Variants in BCAS3 observed in about 807,000 individuals in gnomAD.
The protein encoded by BCAS3 is BCAS4/BCAS3 fusion.
A neutral mutation model predicts 116.1 loss-of-function variants in BCAS3; 53 were observed. That is an observed-to-expected ratio of 0.46 (90% CI 0.37 to 0.57). The LOEUF (loss-of-function observed/expected upper bound fraction) is 0.57. BCAS3 is among the 20% of genes least tolerant of loss of function. The pLI, the probability that BCAS3 is intolerant of heterozygous loss-of-function variation, is 0.00. For missense variants in BCAS3, 917 were observed against 1,165.4 expected, an observed-to-expected ratio of 0.79 and a Z score of 3.10; for synonymous variants, 391 against 408.2, an observed-to-expected ratio of 0.96 and a Z score of 0.51.
In BCAS3 at chr17:61,224,916, C is replaced by G. The variant is rs1363995493; in HGVS notation, c.2425+140352C>G. ...CTGCACAGATCTAGAACATTTGGAA[C>G]CCATTCTTCTGTTCTCCTGTCTTTG... On this transcript the variant is annotated intron_variant, in intron 22 of 23. Transcript: ENST00000407086. The surrounding 1 kb of genome is among the most constrained non-coding windows in gnomAD (Gnocchi z 5.7). Among the ~76,000 whole-genome samples the G allele has an allele frequency of 2.6e-5, 4 of 152,146 alleles. No individual in the cohort carries two copies. The highest frequency in any genetic ancestry group is 9.7e-5 in the African/African-American group (4 of 41,434).
At chr17:60,687,908 C>T (rs1186506713) in intron 3 of BCAS3, 1 of 152,142 alleles carries the variant, frequency 6.6e-6, no homozygotes, top group Non-Finnish European at 1.5e-5. Context: ...AGCATATAAG[C>T]CTCATTTTGT....
At chr17:60,682,974 G>C (rs537703159) in intron 2 of BCAS3, among the ~76,000 whole-genome samples, 1 of 151,882 alleles carries the variant, frequency 6.6e-6, no homozygotes, top group East Asian at 1.9e-4. Context: ...ATGGGGTCTT[G>C]CTATGTTGCC....
At chr17:61,247,772 G>A (rs757684636) in intron 22 of BCAS3, among the ~76,000 whole-genome samples, 1 of 152,124 alleles carries the variant, frequency 6.6e-6, no homozygotes, top group African/African-American at 2.4e-5. Context: ...GCCCTTTTGT[G>A]CAATCAGCTT....
chr17:60,696,042 G>T (rs2035549096), intron 4 of BCAS3, among the ~76,000 whole-genome samples: 1 of 152,180 alleles, frequency 6.6e-6, no homozygotes, highest in South Asian at 2.1e-4. Context: ...GACAGTTGGT[G>T]CAGTGGTTAC....
At chr17:61,330,422 C>T (rs2056174081) in intron 22 of BCAS3, among the ~76,000 whole-genome samples, 1 of 152,188 alleles carries the variant, frequency 6.6e-6, no homozygotes, top group Non-Finnish European at 1.5e-5. Flanking sequence ...CCATGCCCAG[C>T]CAGTAGTTTC....
chr17:61,013,570 T>C lies in BCAS3; in HGVS notation c.1487-2181T>C, dbSNP rs1248776417. ...TCTTCATATTTTCTACAAGGTTCTG[T>C]GTTGTGGCCTAAATCATCTTGTGTG... is the stretch of plus-strand genomic sequence containing the variant. On this transcript the variant is annotated intron_variant, in intron 15 of 23. Coordinates refer to ENST00000407086, the MANE Select transcript of BCAS3 (RefSeq NM_017679.5). The surrounding 1 kb of genome is among the most constrained non-coding windows in gnomAD (Gnocchi z 4.4). Among the ~76,000 whole-genome samples the C allele has an allele frequency of 6.6e-6, 1 of 152,114 alleles. No homozygotes were observed. Among genetic ancestry groups the C allele is most frequent in the East Asian group, 1.9e-4 (1 of 5,200 alleles).
At chr17:60,762,413 C>T (rs1289969898) in intron 6 of BCAS3, among the ~76,000 whole-genome samples, 1 of 152,190 alleles carries the variant, frequency 6.6e-6, no homozygotes, top group Non-Finnish European at 1.5e-5. Context: ...CAGCTTTCTA[C>T]ATATGGCTAG....
Position 61,265,975 on chromosome 17 carries a change from C to T in BCAS3, c.2426-102352C>T, listed in dbSNP as rs2049664926. Among the ~76,000 whole-genome samples, 1 of 152,114 alleles carries T rather than the reference C, an allele frequency of 6.6e-6. No homozygotes were observed. The highest frequency in any genetic ancestry group is 1.5e-5 in the Non-Finnish European group (1 of 68,002). On this transcript the variant is annotated intron_variant, in intron 22 of 23. Coordinates refer to ENST00000407086, the MANE Select transcript of BCAS3 (RefSeq NM_017679.5). The surrounding 1 kb of genome is among the most constrained non-coding windows in gnomAD (Gnocchi z 4.3). ...TCATAGATACTAAAATATTTCCTTT[C>T]TTCATTTCTAATGAGACTTCCTGTT... is the stretch of plus-strand genomic sequence containing the variant.
chr17:61,085,834 G>C (rs2073049912), intron 22 of BCAS3, among the ~76,000 whole-genome samples: 2 of 152,132 alleles, frequency 1.3e-5, no homozygotes, highest in Non-Finnish European at 2.9e-5. Flanking sequence ...AGAGATTGTT[G>C]TGCTCGTTTG....
At chr17:60,752,557 G>A (rs112934619) in intron 6 of BCAS3, among the ~76,000 whole-genome samples, 2 of 151,938 alleles carry the variant, frequency 1.3e-5, no homozygotes, top group African/African-American at 4.8e-5. Flanking sequence ...CCGAGTAGCT[G>A]AGACTACAGG....
In BCAS3 at chr17:61,278,476, C is replaced by G. The variant is rs568648446; in HGVS notation, c.2426-89851C>G. Among the ~76,000 whole-genome samples the G allele has an allele frequency of 6.6e-6, 1 of 152,202 alleles. No individual in the cohort carries two copies. The highest frequency in any genetic ancestry group is 6.5e-5 in the Admixed American group (1 of 15,278). On this transcript the variant is annotated intron_variant, in intron 22 of 23. Transcript: ENST00000407086. The surrounding 1 kb of genome is among the most constrained non-coding windows in gnomAD (Gnocchi z 5.8). ...AGGTGTGTGCCACCATGCCCAGCCTCTATCAACTGTTGGATGGACCTACCC... is the reference window on the plus strand; with the variant it reads ...AGGTGTGTGCCACCATGCCCAGCCTGTATCAACTGTTGGATGGACCTACCC...
At chr17:61,237,792 T>C (rs2144485256) in intron 22 of BCAS3, among the ~76,000 whole-genome samples, 1 of 152,342 alleles carries the variant, frequency 6.6e-6, no homozygotes, top group African/African-American at 2.4e-5. Context: ...CCCCCAGCTC[T>C]TAACTGCTTT....
chr17:61,375,246 G>GTGTGCGCGCGCGCGCGCGCGCGCGCACA (rs1555861733), intron 23 of BCAS3, among the ~76,000 whole-genome samples: 1 of 150,666 alleles, frequency 6.6e-6, no homozygotes, highest in African/African-American at 2.5e-5. Flanking sequence ...GTGTGTGTGT[G>GTGTGCGCGCGCGCGCGCGCGCGCGCACA]TGTGTGTGTA....
chr17:61,312,785 T>TA (rs1172708351), intron 22 of BCAS3, among the ~76,000 whole-genome samples: 1 of 152,204 alleles, frequency 6.6e-6, no homozygotes, highest in East Asian at 1.9e-4. Flanking sequence ...TGGCTCTGTA[T>TA]CTGATTGTCA....
chr17:60,737,712 T>C (rs920029687), intron 5 of BCAS3, among the ~76,000 whole-genome samples: 1 of 151,914 alleles, frequency 6.6e-6, no homozygotes, highest in African/African-American at 2.4e-5. Flanking sequence ...TCCAGCTTTC[T>C]ATTTTTAATT....
rs1442088129 is a variant in BCAS3 at position 61,321,934 on chromosome 17, G to A, written c.2426-46393G>A. ...CACCTATCCCGTTTTTTGTTTGTTT[G>A]TTTGTTTGTTTTTTTTGAGACGGAG... On this transcript the variant is annotated intron_variant, in intron 22 of 23. Coordinates refer to ENST00000407086, the MANE Select transcript of BCAS3 (RefSeq NM_017679.5). Among the ~76,000 whole-genome samples the A allele has an allele frequency of 2.6e-5, 4 of 151,954 alleles. No individual in the cohort carries two copies. The South Asian group carries it at 6.2e-4, about 24-fold the overall frequency.
intron 14 of BCAS3, among the ~76,000 whole-genome samples, chr17:60,973,810 T>C (rs942116333): frequency 6.6e-6 from 1 of 151,982 alleles, no homozygotes; most frequent in Non-Finnish European, 1.5e-5. Context: ...CAGGCTGGTC[T>C]TGAACCCCTG....
Position 60,818,923 on chromosome 17 carries a change from T to G in BCAS3, c.476+10847T>G, listed in dbSNP as rs1451327466. ...AGGTGATCCAATAACGTAGATGATC[T>G]ATGGGGCTCTGGGCTTTAGTATTAA... On this transcript the variant is annotated intron_variant, in intron 7 of 23. Coordinates refer to ENST00000407086, the MANE Select transcript of BCAS3 (RefSeq NM_017679.5). Among the ~76,000 whole-genome samples the G allele has an allele frequency of 2.0e-5, 3 of 152,240 alleles. No individual in the cohort carries two copies. In the East Asian group the frequency reaches 5.8e-4, roughly 29 times the overall value.
At chr17:60,938,330 G>A (rs1164633060) in intron 13 of BCAS3, among the ~76,000 whole-genome samples, 1 of 152,186 alleles carries the variant, frequency 6.6e-6, no homozygotes, top group East Asian at 1.9e-4. Context: ...TAGGGAGTAA[G>A]TATAGACATA....
Sources: gnomAD v4.1 joint callset for allele counts (sites outside exome capture counted in the v4.1 genomes callset) on GRCh38, gnomAD v4.1.1 for gene constraint, Gnocchi (gnomAD v3.1) non-coding constraint, MANE v1.5 for transcripts, NCBI Gene and HGNC (gene_info 2026-07-23, HGNC 2026-07-21) for gene names.